Variants in NTM observed in about 807,000 individuals in gnomAD.
NTM encodes neurotrimin.
A neutral mutation model predicts 42.1 loss-of-function variants in NTM; 13 were observed. That is an observed-to-expected ratio of 0.31 (90% CI 0.20 to 0.49). NTM has a LOEUF of 0.49. Among genes scored for constraint, NTM ranks in the 20% least tolerant of loss-of-function variants. The probability of loss-of-function intolerance (pLI) is 0.99; values close to 1 mark genes in which losing one functional copy is unlikely to be tolerated. For synonymous variants in NTM, 187 were observed against 179.2 expected, an observed-to-expected ratio of 1.04 and a Z score of -0.35; for missense variants, 373 against 452.8, an observed-to-expected ratio of 0.82 and a Z score of 1.60.
At chr11:131,496,559 C>T (rs1027317661) in intron 1 of NTM, among the ~76,000 whole-genome samples, 2 of 152,308 alleles carry the variant, frequency 1.3e-5, no homozygotes, top group South Asian at 2.1e-4. Context: ...ATTGCTCCCC[C>T]GAAGGGTCCA....
chr11:131,522,146 C>G (rs1331871979), intron 1 of NTM, among the ~76,000 whole-genome samples: 1 of 152,068 alleles, frequency 6.6e-6, no homozygotes. Flanking sequence ...TAATTTACTG[C>G]TTGGGTCATC....
At position 132,101,559 on chromosome 11, in the gene NTM, T is replaced by A. The variant is rs533881109; in HGVS notation, c.168-44723T>A. On this transcript the variant is annotated intron_variant, in intron 2 of 8. Transcript: ENST00000683400. ...GGATAGACCAAGGAACACAACCTTG[T>A]GTGTGTGTGTGTGTGTGTGTGTGTG... Among the ~76,000 whole-genome samples, 17 of 90,286 alleles carry A rather than the reference T, an allele frequency of 1.9e-4. No individual in the cohort carries two copies. The South Asian group carries it at 4.7e-3, about 25-fold the overall frequency. 59.2% of individuals were successfully genotyped at this position (90,286 alleles called of 152,430 possible).
At chr11:132,296,666 G>A (rs1376596858) in intron 4 of NTM, among the ~76,000 whole-genome samples, 1 of 152,190 alleles carries the variant, frequency 6.6e-6, no homozygotes, top group Non-Finnish European at 1.5e-5. Flanking sequence ...ACCCAGGTGT[G>A]TGTGTGCCTA....
chr11:131,914,348 C>A (rs1479583585), intron 2 of NTM, among the ~76,000 whole-genome samples: 1 of 152,006 alleles, frequency 6.6e-6, no homozygotes, highest in African/African-American at 2.4e-5. Context: ...ATCATATAAC[C>A]AAGCTGTAAG....
At chr11:132,117,177 T>C (rs1013644265) in intron 2 of NTM, among the ~76,000 whole-genome samples, 5 of 152,278 alleles carry the variant, frequency 3.3e-5, no homozygotes, top group Non-Finnish European at 5.9e-5. Context: ...AACTGCTTTC[T>C]ACCAGTCTAG....
intron 1 of NTM, among the ~76,000 whole-genome samples, chr11:131,748,515 C>T (rs1470982463): frequency 6.6e-6 from 1 of 152,204 alleles, no homozygotes; most frequent in Non-Finnish European, 1.5e-5. Context: ...ATTCATTCTC[C>T]TTTAATGGCT....
chr11:131,642,431 A>G lies in NTM; in HGVS notation c.83-269133A>G, dbSNP rs190962245. 3.5e-3 allele frequency among the ~76,000 whole-genome samples: 530 copies of G among 152,334 alleles called. 2 individuals carry two copies. In the Middle Eastern group the frequency reaches 0.041, roughly 12 times the overall value. On this transcript the variant is annotated intron_variant, in intron 1 of 8. Coordinates refer to ENST00000683400, the MANE Select transcript of NTM (RefSeq NM_001352005.2). ...ACAGATGAAACAATATAAAACTCCA[A>G]TAAACTCAGGTATCACTCTGGAATT...
intron 3 of NTM, among the ~76,000 whole-genome samples, chr11:132,196,984 C>T (rs962991792): frequency 6.6e-6 from 1 of 152,090 alleles, no homozygotes; most frequent in Non-Finnish European, 1.5e-5. Flanking sequence ...AGTTTTTGGC[C>T]TGTGAGAGTG....
intron 1 of NTM, among the ~76,000 whole-genome samples, chr11:131,760,381 GA>G (rs1179628345): frequency 6.6e-6 from 1 of 152,028 alleles, no homozygotes; most frequent in African/African-American, 2.4e-5. Context: ...AGGGAAAAAA[GA>G]AAAAAATCCC....
intron 2 of NTM, among the ~76,000 whole-genome samples, chr11:131,949,600 G>A (rs749126205): frequency 4.6e-5 from 7 of 152,206 alleles, no homozygotes; most frequent in Non-Finnish European, 1.0e-4. Flanking sequence ...TCGGGGTCTT[G>A]TGTTGGGTCC....
At chr11:132,278,063 C>A in intron 4 of NTM, among the ~76,000 whole-genome samples, 1 of 152,226 alleles carries the variant, frequency 6.6e-6, no homozygotes, top group Non-Finnish European at 1.5e-5. Context: ...GTATTCACAT[C>A]AACATCGGCC....
chr11:131,821,217 C>T (rs1565593556), intron 1 of NTM, among the ~76,000 whole-genome samples: 1 of 152,188 alleles, frequency 6.6e-6, no homozygotes, highest in South Asian at 2.1e-4. Context: ...TGTCAAGAAG[C>T]ATTACCATCA....
At chr11:131,606,258 G>A (rs529783057) in intron 1 of NTM, among the ~76,000 whole-genome samples, 3 of 152,256 alleles carry the variant, frequency 2.0e-5, no homozygotes, top group East Asian at 3.9e-4. Context: ...CTCTCAGCAT[G>A]TTGTGCAAAC....
intron 1 of NTM, among the ~76,000 whole-genome samples, chr11:131,740,025 A>G (rs944950518): frequency 2.6e-5 from 4 of 152,222 alleles, no homozygotes; most frequent in Non-Finnish European, 5.9e-5. Context: ...GTGGGTTTGA[A>G]GCTTCGCTCT....
rs114275502 is a variant in NTM, at chr11:132,220,973, G to A, written c.526+8826G>A. 8.8e-3 allele frequency among the ~76,000 whole-genome samples: 1,334 copies of A among 152,178 alleles called. 13 individuals are homozygous for A. The highest frequency in any genetic ancestry group is 0.03 in the African/African-American group (1,256 of 41,526). Reference sequence around the variant, plus strand: ...AAGGTCCTTAGTGGGATGTCCCACCGCCCATCACAACCAGGGTACCTCCTC... The same window carrying A: ...AAGGTCCTTAGTGGGATGTCCCACCACCCATCACAACCAGGGTACCTCCTC... On this transcript the variant is annotated intron_variant, in intron 4 of 8. Coordinates refer to ENST00000683400, the MANE Select transcript of NTM (RefSeq NM_001352005.2).
chr11:131,407,983 G>A (rs561533272), intron 1 of NTM, among the ~76,000 whole-genome samples: 1 of 152,332 alleles, frequency 6.6e-6, no homozygotes, highest in East Asian at 1.9e-4. Context: ...CGAAAGTAGC[G>A]CGGCCCCCAG....
chr11:131,691,670 G>A (rs897934239), intron 1 of NTM, among the ~76,000 whole-genome samples: 2 of 152,136 alleles, frequency 1.3e-5, no homozygotes, highest in African/African-American at 2.4e-5. Flanking sequence ...CAACCCCAGG[G>A]CGCAGCCACC....
In NTM at chr11:131,735,465, A is replaced by G. The variant is rs559840114; in HGVS notation, c.83-176099A>G. 1.3e-4 allele frequency among the ~76,000 whole-genome samples: 20 copies of G among 152,342 alleles called. No individual in the cohort carries two copies. In the South Asian group the frequency reaches 3.9e-3, roughly 30 times the overall value. On this transcript the variant is annotated intron_variant, in intron 1 of 8. Transcript: ENST00000683400. Reference sequence around the variant, plus strand: ...CAGTCATTGTGGTGTAGTTAAAGTCATTGTGATGAAACACACAGGTGTGAA... The same window carrying G: ...CAGTCATTGTGGTGTAGTTAAAGTCGTTGTGATGAAACACACAGGTGTGAA...
intron 2 of NTM, among the ~76,000 whole-genome samples, chr11:132,087,489 T>C (rs1187439956): frequency 6.6e-6 from 1 of 152,120 alleles, no homozygotes; most frequent in Non-Finnish European, 1.5e-5. Context: ...GAATTGAGTT[T>C]GGGACAAAGG....
Sources: gnomAD v4.1 joint callset for allele counts (sites outside exome capture counted in the v4.1 genomes callset) on GRCh38, gnomAD v4.1.1 for gene constraint, MANE v1.5 for transcripts, NCBI Gene and HGNC (gene_info 2026-07-23, HGNC 2026-07-21) for gene names.